NR3C2: variants seen among roughly 807,000 people sequenced by gnomAD.
The protein encoded by NR3C2 is mineralocorticoid receptor.
NR3C2 carries 15 observed loss-of-function variants against 86.4 expected under a neutral mutation model. The ratio of observed to expected loss-of-function variants is 0.17; its 90% CI spans 0.12 to 0.27. NR3C2 has a LOEUF of 0.27. Among genes scored for constraint, NR3C2 ranks in the 10% least tolerant of loss-of-function variants. The pLI, the probability that NR3C2 is intolerant of heterozygous loss-of-function variation, is 1.00. For synonymous variants in NR3C2, 458 were observed against 450.5 expected, an observed-to-expected ratio of 1.02 and a Z score of -0.21; for missense variants, 960 against 1,195.6, an observed-to-expected ratio of 0.80 and a Z score of 2.91.
At chr4:148,330,204 CTAAT>C (rs1342055687) in intron 2 of NR3C2, among the ~76,000 whole-genome samples, 20 of 152,238 alleles carry the variant, frequency 1.3e-4, no homozygotes, top group African/African-American at 4.8e-4. Context: ...CAAATAGTAA[CTAAT>C]TAATCCTAAT....
chr4:148,081,016 ACACGG>A lies in NR3C2; in HGVS notation c.*323_*327del. ...AAACAAGCGAACGATACCAGAAACT[ACACGG>A]CATAGTTAAAACTTCTTCCATCTGT... On this transcript the variant is annotated 3_prime_UTR_variant, in exon 9 of 9. Coordinates refer to ENST00000358102, the MANE Select transcript of NR3C2 (RefSeq NM_000901.5). 2.6e-6 allele frequency: 1 copy of A among 384,138 alleles called. No homozygotes were observed. The highest frequency in any genetic ancestry group is 5.0e-6 in the Non-Finnish European group (1 of 200,032). 23.8% of individuals were successfully genotyped at this position (384,138 alleles called of 1,614,324 possible).
chr4:148,328,072 C>T (rs1744053958), intron 2 of NR3C2, among the ~76,000 whole-genome samples: 1 of 152,196 alleles, frequency 6.6e-6, no homozygotes, highest in African/African-American at 2.4e-5. Context: ...AACTTCAACA[C>T]CGGCTTGCTG....
chr4:148,283,927 C>T (rs1741383222), intron 2 of NR3C2, among the ~76,000 whole-genome samples: 1 of 152,168 alleles, frequency 6.6e-6, no homozygotes, highest in Non-Finnish European at 1.5e-5. Context: ...GAGTGATTAC[C>T]AGGCTCTCCC....
At chr4:148,156,764 A>G (rs1018807902) in intron 4 of NR3C2, among the ~76,000 whole-genome samples, 56 of 152,188 alleles carry the variant, frequency 3.7e-4, no homozygotes, top group Admixed American at 5.9e-4. Flanking sequence ...TCAGGGATCT[A>G]GAACTGGAAA....
At chr4:148,302,673 T>C (rs1415603221) in intron 2 of NR3C2, among the ~76,000 whole-genome samples, 1 of 150,208 alleles carries the variant, frequency 6.7e-6, no homozygotes, top group Non-Finnish European at 1.5e-5. Context: ...CCTCATACCT[T>C]GTCTACACAG....
intron 2 of NR3C2, among the ~76,000 whole-genome samples, chr4:148,422,298 A>G (rs2126610496): frequency 6.6e-6 from 1 of 152,094 alleles, no homozygotes; most frequent in East Asian, 1.9e-4. Flanking sequence ...GGGTATGAAA[A>G]TGACAGAGGA....
At chr4:148,422,917 T>A in intron 2 of NR3C2, among the ~76,000 whole-genome samples, 1 of 152,176 alleles carries the variant, frequency 6.6e-6, no homozygotes, top group East Asian at 1.9e-4. Flanking sequence ...TTCTCCTTGT[T>A]CCTATAAACT....
chr4:148,333,071 G>C (rs34296798), intron 2 of NR3C2, among the ~76,000 whole-genome samples: 26,792 of 151,616 alleles, frequency 0.18, 2,712 homozygotes, highest in African/African-American at 0.28. Flanking sequence ...TTCGAGACCA[G>C]CCTGGGCAAC....
chr4:148,294,520 TC>T (rs1330043235), intron 2 of NR3C2, among the ~76,000 whole-genome samples: 3 of 151,344 alleles, frequency 2.0e-5, no homozygotes, highest in Non-Finnish European at 4.4e-5. Flanking sequence ...TTAACCATAA[TC>T]ATTACCTACT....
chr4:148,157,971 A>G (rs1325842834), intron 4 of NR3C2, among the ~76,000 whole-genome samples: 2 of 152,364 alleles, frequency 1.3e-5, no homozygotes, highest in African/African-American at 2.4e-5. Flanking sequence ...TGAATAAGAC[A>G]TAACTACTGG....
intron 4 of NR3C2, among the ~76,000 whole-genome samples, chr4:148,175,416 T>G (rs1376143082): frequency 6.6e-6 from 1 of 152,200 alleles, no homozygotes; most frequent in African/African-American, 2.4e-5. Flanking sequence ...CAGATGATTC[T>G]GAGCTGCAGT....
intron 8 of NR3C2, among the ~76,000 whole-genome samples, chr4:148,107,808 G>T (rs1400803935): frequency 6.6e-6 from 1 of 152,084 alleles, no homozygotes; most frequent in Non-Finnish European, 1.5e-5. Flanking sequence ...AAAACACATG[G>T]ACACAGGGAG....
rs887829948 is a variant in NR3C2 at position 148,395,659 on chromosome 4, T to C, written c.1757+39445A>G. On this transcript the variant is annotated intron_variant, in intron 2 of 8. Transcript: ENST00000358102. ...TCTCATTGTACATAATATTGAACCATACTCAATGAAATATTCCAAACTCAT... is the reference window on the plus strand; with the variant it reads ...TCTCATTGTACATAATATTGAACCACACTCAATGAAATATTCCAAACTCAT... Among the ~76,000 whole-genome samples, 135 of 152,344 alleles carry C rather than the reference T, an allele frequency of 8.9e-4. 1 individual carries two copies. The highest frequency in any genetic ancestry group is 2.1e-4 in the Non-Finnish European group (14 of 68,036).
chr4:148,249,318 C>T (rs531342597), intron 3 of NR3C2, among the ~76,000 whole-genome samples: 27 of 151,768 alleles, frequency 1.8e-4, no homozygotes, highest in Non-Finnish European at 1.2e-4. Context: ...AAAAAAAATT[C>T]TATAGTTTTG....
chr4:148,200,618 A>G (rs1736672692), intron 3 of NR3C2, among the ~76,000 whole-genome samples: 1 of 152,200 alleles, frequency 6.6e-6, no homozygotes, highest in African/African-American at 2.4e-5. Context: ...CTGACTTTAG[A>G]GAAGTTACTT....
chr4:148,134,647 T>C (rs1310329830), intron 6 of NR3C2, among the ~76,000 whole-genome samples: 8 of 123,470 alleles, frequency 6.5e-5, no homozygotes, highest in Admixed American at 1.7e-4. Flanking sequence ...CTCTCTCTTT[T>C]TTTTTTTTTT....
At chr4:148,101,331 T>A (rs994905194) in intron 8 of NR3C2, among the ~76,000 whole-genome samples, 1 of 152,174 alleles carries the variant, frequency 6.6e-6, no homozygotes, top group Non-Finnish European at 1.5e-5. Flanking sequence ...GGGAAAACAT[T>A]AACCTTCTTG....
In NR3C2 at chr4:148,154,658, C is replaced by A; in HGVS notation, c.2258G>T (p.Gly753Val). 6.2e-7 allele frequency: 1 copy of A among 1,614,162 alleles called. No individual in the cohort carries two copies. The highest frequency in any genetic ancestry group is 8.5e-7 in the Non-Finnish European group (1 of 1,180,050). Residue 753 changes from glycine to valine, a missense_variant, in exon 5 of 9, where the codon GGC becomes GTC. Physicochemically the swap from Gly to Val is moderately radical, Grantham distance 109. Around this residue, in one of 4 missense-constraint regions of NR3C2, gnomAD observed 151 missense variants for 296.3 expected, o/e 0.51. Coordinates refer to ENST00000358102, the MANE Select transcript of NR3C2 (RefSeq NM_000901.5). Reference protein sequence around the residue: ...ENIEPEIVYAGYDSSKPDTAE... With the variant: ...ENIEPEIVYAVYDSSKPDTAE... ...TGTATCTGGTTTTGAGCTGTCATAG[C>A]CTGCATATACAATTTCAGGTTCAAT...
At chr4:148,423,035 C>T (rs777662365) in intron 2 of NR3C2, among the ~76,000 whole-genome samples, 4 of 152,060 alleles carry the variant, frequency 2.6e-5, no homozygotes, top group Admixed American at 6.5e-5. Context: ...GGTCCAATAA[C>T]CTGTATTCAA....
Sources: gnomAD v4.1 joint callset for allele counts (sites outside exome capture counted in the v4.1 genomes callset) on GRCh38, gnomAD v4.1.1 for gene constraint, gnomAD v4.1.1 regional missense constraint, MANE v1.5 for transcripts, NCBI Gene and HGNC (gene_info 2026-07-23, HGNC 2026-07-21) for gene names.